Variants in GARNL3 observed in about 807,000 individuals in gnomAD.
GARNL3 encodes the protein GTPase activating Rap/RanGAP domain like 3.
GARNL3 carries 63 observed loss-of-function variants against 125.0 expected under a neutral mutation model. The observed-to-expected ratio is 0.50, with a 90% confidence interval of 0.41 to 0.62. The LOEUF (loss-of-function observed/expected upper bound fraction) is 0.62. GARNL3 is among the 20% of genes least tolerant of loss of function. The pLI is 0.00. For synonymous variants in GARNL3, 439 were observed against 457.5 expected (o/e 0.96, Z 0.52); for missense variants, 994 against 1,244.0 (o/e 0.80, Z 3.02).
chr9:127,360,266 C>T (rs1830918856), intron 21 of GARNL3, among the ~76,000 whole-genome samples: 1 of 152,144 alleles, frequency 6.6e-6, no homozygotes, highest in Non-Finnish European at 1.5e-5. Flanking sequence ...CGTGATCCCG[C>T]CCACCTTGGC....
intron 22 of GARNL3, among the ~76,000 whole-genome samples, chr9:127,374,309 CAAAAA>C (rs1831771710): frequency 6.9e-6 from 1 of 144,070 alleles, no homozygotes; most frequent in African/African-American, 2.6e-5. Context: ...CTCAAAAAAA[CAAAAA>C]GAAAAAAAAA....
chr9:127,335,284 T>C lies in GARNL3; in HGVS notation c.824T>C (p.Met275Thr), dbSNP rs1246907225. ...ACTGTGTACCAAGGGCATGAGATCA[T>C]GTTTCATGTTTCCACCATGTTGCCA... ...VYTVYQGHEI[M>T]FHVSTMLPYS... The change falls in exon 10 of 28, where the codon ATG becomes ACG. Residue 275 changes from methionine (M) to threonine (T), a missense_variant. Met to Thr is a moderately conservative substitution (Grantham distance 81). Around this residue, in one of 5 missense-constraint regions of GARNL3, gnomAD observed 71 missense variants for 66.2 expected, o/e 1.07. Transcript: ENST00000373387. The C allele has an allele frequency of 6.2e-7, 1 of 1,614,120 alleles. No homozygotes were observed. Among genetic ancestry groups the C allele is most frequent in the Admixed American group, 1.7e-5 (1 of 60,036 alleles).
intron 22 of GARNL3, among the ~76,000 whole-genome samples, chr9:127,380,197 A>T (rs1588969515): frequency 1.3e-5 from 1 of 74,128 alleles, no homozygotes. Context: ...TGTCTCAAAA[A>T]ATATGTGTGT....
In GARNL3 at chr9:127,388,718, A is replaced by G. The variant is rs181899111; in HGVS notation, c.2528-186A>G. ...AATTTACACATGAAAATGCTCTTAG[A>G]AAACGCAAAGCCATCAGGCACCCTC... On this transcript the variant is annotated intron_variant, in intron 25 of 27. Coordinates refer to ENST00000373387, the MANE Select transcript of GARNL3 (RefSeq NM_032293.5). 155 of 595,054 alleles carry G rather than the reference A, an allele frequency of 2.6e-4. No individual in the cohort carries two copies. In the African/African-American group the frequency reaches 2.7e-3, roughly 10 times the overall value. The allele number at this position is 595,054 out of a possible 1,614,324, so 36.9% of individuals were successfully genotyped here.
chr9:127,391,524 C>CAAAAAAAAAAAAAAAA lies in GARNL3; in HGVS notation c.2870+767_2870+768insAAAAAAAAAAAAAAAA, dbSNP rs763160611. ...GGCAACACAGCAAGACCCATCTCTACAAAAAAAAAATATATATATATATAT... is the reference window on the plus strand; with the variant it reads ...GGCAACACAGCAAGACCCATCTCTACAAAAAAAAAAAAAAAAAAAAAAAAAATATATATATATATAT... On this transcript the variant is annotated intron_variant, in intron 27 of 27. Transcript: ENST00000373387. Among the ~76,000 whole-genome samples the CAAAAAAAAAAAAAAAA allele has an allele frequency of 5.7e-4, 40 of 70,418 alleles. 1 individual carries two copies. The highest frequency in any genetic ancestry group is 1.3e-3 in the East Asian group (3 of 2,260). 46.2% of individuals were successfully genotyped at this position (70,418 alleles called of 152,430 possible).
chr9:127,382,598 C>T (rs991556194), intron 22 of GARNL3, among the ~76,000 whole-genome samples: 4 of 152,040 alleles, frequency 2.6e-5, no homozygotes, highest in Non-Finnish European at 4.4e-5. Flanking sequence ...TGTGACAGAA[C>T]AAGACTCTGT....
At chr9:127,339,914 C>T (rs1291176332) in intron 13 of GARNL3, among the ~76,000 whole-genome samples, 163 bp downstream of exon 13, 5 of 152,170 alleles carry the variant, frequency 3.3e-5, no homozygotes, top group African/African-American at 4.8e-5. Flanking sequence ...ATGTTGTGCA[C>T]GTTTTCTCCT....
chr9:127,268,423 T>C (rs936560517), intron 1 of GARNL3, among the ~76,000 whole-genome samples: 5 of 152,246 alleles, frequency 3.3e-5, no homozygotes, highest in African/African-American at 1.2e-4. Context: ...TATGCTTTCT[T>C]GTCTTCACAT....
chr9:127,246,931 C>CTTTT lies in GARNL3; in HGVS notation c.143+3700_143+3703dup, dbSNP rs35410163. On this transcript the variant is annotated intron_variant, in intron 2 of 10. Transcript: ENST00000439286. Reference sequence around the variant, plus strand: ...CTTGAGAAAGGAGTTGACCTTCCTTCTTTTTTTTTTTTTTTTTTTTTGCGT... The same window carrying CTTTT: ...CTTGAGAAAGGAGTTGACCTTCCTTCTTTTTTTTTTTTTTTTTTTTTTTTTGCGT... Among the ~76,000 whole-genome samples, 453 of 98,766 alleles carry CTTTT rather than the reference C, an allele frequency of 4.6e-3. 4 individuals carry two copies. Among genetic ancestry groups the CTTTT allele is most frequent in the Non-Finnish European group, 5.9e-3 (308 of 51,772 alleles). 64.8% of individuals were successfully genotyped at this position (98,766 alleles called of 152,430 possible). A position where few individuals can be genotyped will look rare whatever the true frequency, so the allele number is the denominator to read the frequency against.
At chr9:127,274,437 A>G (rs1476742973) in intron 1 of GARNL3, among the ~76,000 whole-genome samples, 2 of 152,180 alleles carry the variant, frequency 1.3e-5, no homozygotes, top group African/African-American at 2.4e-5. Flanking sequence ...AGACATCAGC[A>G]TGCTCTCTAG....
intron 1 of GARNL3, among the ~76,000 whole-genome samples, chr9:127,230,382 G>A (rs1240907965): frequency 2.6e-5 from 4 of 152,134 alleles, no homozygotes; most frequent in South Asian, 2.1e-4. Context: ...ACATTCAGCC[G>A]GGCATGGTGG....
intron 1 of GARNL3, among the ~76,000 whole-genome samples, chr9:127,229,302 C>T (rs1162329132): frequency 6.6e-6 from 1 of 152,152 alleles, no homozygotes; most frequent in Non-Finnish European, 1.5e-5. Context: ...CATACAGGTG[C>T]ATATGGGTGC....
chr9:127,393,257 G>C lies in GARNL3; in HGVS notation c.*3G>C. Reference sequence around the variant, plus strand: ...AAGACATTATAGACTTGAAGTAACAGAGTTGAATCTCATTTGCCATCTTTA... The same window carrying C: ...AAGACATTATAGACTTGAAGTAACACAGTTGAATCTCATTTGCCATCTTTA... On this transcript the variant is annotated 3_prime_UTR_variant, in exon 28 of 28. Coordinates refer to ENST00000373387, the MANE Select transcript of GARNL3 (RefSeq NM_032293.5). The C allele has an allele frequency of 6.3e-7, 1 of 1,596,034 alleles. No individual in the cohort carries two copies. The highest frequency in any genetic ancestry group is 1.3e-5 in the African/African-American group (1 of 74,728).
intron 2 of GARNL3, among the ~76,000 whole-genome samples, chr9:127,310,689 A>G (rs2065068608): frequency 6.6e-6 from 1 of 150,930 alleles, no homozygotes; most frequent in African/African-American, 2.4e-5. Context: ...CAGGCAAATC[A>G]CTTGAGCCCA....
chr9:127,225,240 C>T (rs2062884222), intron 1 of GARNL3: 17 of 489,392 alleles, frequency 3.5e-5, no homozygotes, highest in Non-Finnish European at 4.2e-5. Context: ...GGCTGCGGCG[C>T]GCGAGCCGAG....
intron 2 of GARNL3, among the ~76,000 whole-genome samples, chr9:127,297,203 G>A (rs2064627522): frequency 6.6e-6 from 1 of 152,116 alleles, no homozygotes; most frequent in Non-Finnish European, 1.5e-5. Flanking sequence ...CAGTGGTGCA[G>A]TGATGGCTCA....
intron 22 of GARNL3, among the ~76,000 whole-genome samples, chr9:127,374,909 C>CAA (rs772141471): frequency 8.5e-4 from 54 of 63,160 alleles, no homozygotes; most frequent in African/African-American, 2.2e-3. Flanking sequence ...TCCATCTCTA[C>CAA]AAAAAAAAAA....
chr9:127,232,681 A>G (rs1374817086), intron 1 of GARNL3, among the ~76,000 whole-genome samples: 2 of 152,140 alleles, frequency 1.3e-5, no homozygotes, highest in African/African-American at 4.8e-5. Flanking sequence ...AATATTGTCA[A>G]AATCTATGAA....
chr9:127,315,053 G>A (rs897911193), intron 4 of GARNL3, among the ~76,000 whole-genome samples: 2 of 152,234 alleles, frequency 1.3e-5, no homozygotes, highest in South Asian at 2.1e-4. Context: ...TGTGAAGGCA[G>A]CATAGGGGCA....
Sources: allele counts gnomAD v4.1 joint callset (sites outside exome capture counted in the v4.1 genomes callset), GRCh38; gene constraint gnomAD v4.1.1; regional missense constraint gnomAD v4.1.1; transcripts MANE v1.5; gene names NCBI Gene and HGNC (gene_info 2026-07-23, HGNC 2026-07-21).